Variants in CD36 observed in about 807,000 individuals in gnomAD.
CD36 encodes platelet glycoprotein 4.
CD36 carries 119 observed loss-of-function variants against 55.2 expected under a neutral mutation model. The observed-to-expected ratio is 2.15, with a 90% CI of 1.86 to 2.51. The LOEUF (loss-of-function observed/expected upper bound fraction) is 2.51. Among genes scored for constraint, CD36 ranks in the 30% most tolerant of loss-of-function variants. The pLI, the probability that CD36 is intolerant of heterozygous loss-of-function variation, is 0.00. For missense variants in CD36, 819 were observed against 555.5 expected (o/e 1.47, Z -4.77); for synonymous variants, 186 against 193.6 (o/e 0.96, Z 0.33).
At chr7:80,624,027 C>G (rs991366305) in intron 1 of CD36, 1 of 152,152 alleles carries the variant, frequency 6.6e-6, no homozygotes, top group African/African-American at 2.4e-5. Flanking sequence ...AGCCATTCTT[C>G]GACACTAGGA....
chr7:80,662,919 G>A (rs3212168), intron 5 of CD36, 71 bp from the exon 6 acceptor site: 24 of 1,232,838 alleles, frequency 1.9e-5, no homozygotes, highest in Middle Eastern at 2.7e-4. Context: ...CTCAATATTA[G>A]CATTTAATCC....
intron 1 of CD36, chr7:80,626,106 T>C (rs1793724687): frequency 6.6e-6 from 1 of 152,132 alleles, no homozygotes; most frequent in Non-Finnish European, 1.5e-5. Context: ...CTCCTAACTA[T>C]CTGCAGTCTG....
At chr7:80,602,940 C>A (rs1283913499) in intron 1 of CD36, among the ~76,000 whole-genome samples, 1 of 151,980 alleles carries the variant, frequency 6.6e-6, no homozygotes, top group Non-Finnish European at 1.5e-5. Flanking sequence ...TAAGAAATAA[C>A]CTAAAAGACC....
chr7:80,649,202 G>A (rs543083424), intron 3 of CD36, among the ~76,000 whole-genome samples: 16 of 152,046 alleles, frequency 1.1e-4, no homozygotes, highest in East Asian at 1.9e-4. Flanking sequence ...TCTTACAGGC[G>A]CAAGTCCTTA....
chr7:80,656,796 T>G (rs1796126726), intron 4 of CD36, 96 bp downstream of exon 4: 1 of 1,130,516 alleles, frequency 8.8e-7, no homozygotes, highest in African/African-American at 1.6e-5. Context: ...TGAAATGTAC[T>G]TATTATTTTC....
chr7:80,621,196 T>A (rs1793453017), intron 1 of CD36, among the ~76,000 whole-genome samples: 1 of 152,196 alleles, frequency 6.6e-6, no homozygotes, highest in South Asian at 2.1e-4. Context: ...CATTTTTTAA[T>A]GGTATGGCAC....
chr7:80,658,812 A>C (rs747746862), intron 4 of CD36, among the ~76,000 whole-genome samples: 8 of 152,122 alleles, frequency 5.3e-5, no homozygotes, highest in Non-Finnish European at 1.2e-4. Flanking sequence ...TTCACTTTTA[A>C]ATATATTATT....
intron 8 of CD36, among the ~76,000 whole-genome samples, chr7:80,668,665 A>G (rs964100267): frequency 8.5e-5 from 13 of 152,206 alleles, no homozygotes; most frequent in African/African-American, 2.9e-4. Flanking sequence ...AAGCTTTTCA[A>G]TGCATTTTTC....
Position 80,673,427 on chromosome 7 carries a change from T to C in CD36, c.1254+18T>C, listed in dbSNP as rs753619085. ...TTAATGAGGTTTGTATTTGCAGCTG[T>C]TAGTCATTAAAAACAACCTTCTTTG... On this transcript the variant is annotated intron_variant, in intron 13 of 14. Coordinates refer to ENST00000447544, the MANE Select transcript of CD36 (RefSeq NM_001001548.3). The C allele has an allele frequency of 8.0e-6, 12 of 1,499,270 alleles. 1 individual carries two copies. The highest frequency in any genetic ancestry group is 1.1e-5 in the Non-Finnish European group (12 of 1,076,064). 92.9% of individuals were successfully genotyped at this position (1,499,270 alleles called of 1,614,324 possible).
intron 6 of CD36, 70 bp downstream of exon 6, chr7:80,663,239 A>C (rs1385907380): frequency 7.0e-6 from 9 of 1,282,656 alleles, no homozygotes; most frequent in African/African-American, 1.5e-5. Flanking sequence ...TTGGCAAGGC[A>C]TAATTTTATA....
intron 4 of CD36, 62 bp downstream of exon 4, chr7:80,656,762 T>A: frequency 7.0e-7 from 1 of 1,428,480 alleles, no homozygotes; most frequent in Non-Finnish European, 9.9e-7. Context: ...TGAGAAGTCT[T>A]CTACTTGGCA....
intron 6 of CD36, 26 bp from the exon 7 acceptor site, chr7:80,664,375 GAAGTA>G: frequency 1.7e-6 from 2 of 1,155,596 alleles, no homozygotes; most frequent in Non-Finnish European, 2.6e-6. Context: ...ATGACTTGTA[GAAGTA>G]ACATTTTCCC....
intron 1 of CD36, among the ~76,000 whole-genome samples, chr7:80,604,090 G>A (rs1340906903): frequency 1.3e-5 from 2 of 152,130 alleles, no homozygotes; most frequent in Admixed American, 6.6e-5. Flanking sequence ...TTCACAACAG[G>A]TTACTTTATT....
chr7:80,674,091 A>C lies in CD36; in HGVS notation c.1363A>C (p.Met455Leu). 2 of 1,612,454 alleles carry C rather than the reference A, an allele frequency of 1.2e-6. No homozygotes were observed. The highest frequency in any genetic ancestry group is 1.7e-6 in the Non-Finnish European group (2 of 1,178,958). ...GATCTTACTCAGTGTTGGTGTGGTG[A>C]TGTTTGTTGCTTTTATGATTTCATA... ...EMILLSVGVVMFVAFMISYCA... is the reference protein window; with the variant it reads ...EMILLSVGVVLFVAFMISYCA... Residue 455 changes from methionine (M) to leucine (L), a missense_variant, in exon 14 of 15, where the codon ATG becomes CTG. Transcript: ENST00000447544.
chr7:80,646,877 G>A lies in CD36; in HGVS notation c.120+17G>A. On this transcript the variant is annotated intron_variant, in intron 3 of 14. Coordinates refer to ENST00000447544, the MANE Select transcript of CD36 (RefSeq NM_001001548.3). ...ATTAAAAAGGTACAAGTAGTCCAAA[G>A]AATATGCCTTCTCATTTTGATTGAT... The A allele has an allele frequency of 3.7e-6, 6 of 1,613,396 alleles. No homozygotes were observed. Among genetic ancestry groups the A allele is most frequent in the Non-Finnish European group, 5.1e-6 (6 of 1,179,576 alleles).
chr7:80,658,668 G>A (rs950523170), intron 4 of CD36, among the ~76,000 whole-genome samples: 1 of 151,908 alleles, frequency 6.6e-6, no homozygotes, highest in Non-Finnish European at 1.5e-5. Context: ...AATTTTTATG[G>A]GTTTTGTTTT....
chr7:80,632,013 A>G (rs961921158), intron 1 of CD36, among the ~76,000 whole-genome samples: 13 of 151,898 alleles, frequency 8.6e-5, no homozygotes, highest in African/African-American at 3.1e-4. Context: ...GAGAAGTAGC[A>G]CTCCAAACTA....
chr7:80,656,103 C>A (rs1168165486), intron 3 of CD36, among the ~76,000 whole-genome samples: 2 of 152,160 alleles, frequency 1.3e-5, no homozygotes, highest in Middle Eastern at 3.4e-3. Context: ...GCTTCCAATA[C>A]CATTAGATTT....
In CD36 at chr7:80,674,446, T is replaced by G. The variant is rs3211956; in HGVS notation, c.*299T>G. On this transcript the variant is annotated intron_variant, in intron 14 of 14. Coordinates refer to ENST00000447544, the MANE Select transcript of CD36 (RefSeq NM_001001548.3). ...TTGACTGGTTCATTTCTCAATTATA[T>G]AGCTAGTTATATATTATCTGATACT... The G allele has an allele frequency of 0.081, 27,167 of 334,970 alleles. 1,462 individuals are homozygous for G. The highest frequency in any genetic ancestry group is 0.25 in the East Asian group (3,399 of 13,772). The allele number at this position is 334,970 out of a possible 1,614,324, so 20.7% of individuals were successfully genotyped here.
Sources: gnomAD v4.1 joint callset for allele counts (sites outside exome capture counted in the v4.1 genomes callset) on GRCh38, gnomAD v4.1.1 for gene constraint, MANE v1.5 for transcripts, NCBI Gene and HGNC (gene_info 2026-07-23, HGNC 2026-07-21) for gene names.